The following PPP2R5A variants were observed in gnomAD, a reference collection of about 807,000 sequenced individuals.
The protein encoded by PPP2R5A is protein phosphatase 2 regulatory subunit B'alpha.
A neutral mutation model predicts 64.2 loss-of-function variants in PPP2R5A; 25 were observed. The ratio of observed to expected loss-of-function variants is 0.39; its 90% CI spans 0.28 to 0.54. The LOEUF is 0.54. Ranked by LOEUF, PPP2R5A falls within the 20% of genes least tolerant of loss-of-function variation. The pLI is 0.67. For missense variants in PPP2R5A, 425 were observed against 576.3 expected (o/e 0.74, Z 2.69); for synonymous variants, 198 against 201.2 (o/e 0.98, Z 0.13).
chr1:212,286,904 CAGGATCGT>C (rs1469229449), intron 1 of PPP2R5A, among the ~76,000 whole-genome samples: 1 of 152,190 alleles, frequency 6.6e-6, no homozygotes, highest in Non-Finnish European at 1.5e-5. Context: ...ATCTTATTCA[CAGGATCGT>C]TAGCTTTAAA....
chr1:212,320,706 C>G (rs77295414), intron 1 of PPP2R5A, among the ~76,000 whole-genome samples: 3 of 119,080 alleles, frequency 2.5e-5, no homozygotes, highest in African/African-American at 8.1e-5. Flanking sequence ...ACCTCCCTCC[C>G]GGATGGGGCG....
intron 1 of PPP2R5A, among the ~76,000 whole-genome samples, chr1:212,328,608 A>C (rs1308473511): frequency 6.6e-6 from 1 of 152,168 alleles, no homozygotes; most frequent in Non-Finnish European, 1.5e-5. Context: ...GAACACACCG[A>C]TTCTCATTTT....
intron 1 of PPP2R5A, among the ~76,000 whole-genome samples, chr1:212,328,601 C>A (rs749000518): frequency 6.6e-6 from 1 of 152,082 alleles, no homozygotes; most frequent in Non-Finnish European, 1.5e-5. Context: ...GGAACTTGAA[C>A]ACACCGATTC....
chr1:212,328,986 C>T (rs1659454203), intron 1 of PPP2R5A, 149 bp from the exon 2 acceptor site: 2 of 516,542 alleles, frequency 3.9e-6, no homozygotes, highest in Admixed American at 8.0e-5. Context: ...GTATAAATCC[C>T]TGAATGATGG....
intron 1 of PPP2R5A, among the ~76,000 whole-genome samples, chr1:212,315,842 G>T (rs114417498): frequency 0.014 from 2,172 of 152,084 alleles, 50 homozygotes; most frequent in African/African-American, 0.048. Flanking sequence ...GCATGTGCTC[G>T]CTTTGTGTCT....
intron 1 of PPP2R5A, among the ~76,000 whole-genome samples, chr1:212,321,969 C>A (rs1417765273): frequency 6.6e-6 from 1 of 151,962 alleles, no homozygotes. Context: ...GCGGATCACT[C>A]GCGGTTAGGA....
intron 11 of PPP2R5A, 96 bp from the exon 12 acceptor site, chr1:212,358,590 A>G: frequency 1.2e-6 from 1 of 836,832 alleles, no homozygotes; most frequent in East Asian, 2.7e-5. Context: ...GATTAAATGA[A>G]ATCAGCCAAG....
At chr1:212,349,315 C>T (rs1037206709) in intron 8 of PPP2R5A, 73 bp downstream of exon 8, 17 of 1,137,444 alleles carry the variant, frequency 1.5e-5, no homozygotes, top group Non-Finnish European at 2.1e-5. Context: ...GTTTTATAGC[C>T]TTTATAGTTA....
intron 1 of PPP2R5A, among the ~76,000 whole-genome samples, chr1:212,304,983 T>G (rs993162507): frequency 4.6e-5 from 7 of 150,756 alleles, no homozygotes; most frequent in African/African-American, 1.5e-4. Context: ...CACCCACCCC[T>G]GCGTCCCTGA....
chr1:212,322,963 T>G (rs1465499396), intron 1 of PPP2R5A, among the ~76,000 whole-genome samples: 1 of 152,088 alleles, frequency 6.6e-6, no homozygotes, highest in East Asian at 1.9e-4. Flanking sequence ...TTTTTTTGTG[T>G]TTTTAGTAGA....
intron 1 of PPP2R5A, among the ~76,000 whole-genome samples, chr1:212,312,104 T>C (rs930799095): frequency 3.9e-4 from 59 of 152,336 alleles, no homozygotes; most frequent in African/African-American, 1.3e-3. Flanking sequence ...TTTAAATCTT[T>C]TATACCATAT....
chr1:212,347,535 C>T, intron 6 of PPP2R5A, 129 bp downstream of exon 6: 1 of 649,760 alleles, frequency 1.5e-6, no homozygotes, highest in East Asian at 3.2e-5. Flanking sequence ...AGTTTCTCAA[C>T]TGAAGTCTTT....
rs1571608245 is a variant in PPP2R5A, at chr1:212,347,484, A to G, written c.764+78A>G. 8.4e-6 allele frequency: 9 copies of G among 1,067,610 alleles called. No homozygotes were observed. The East Asian group carries it at 1.9e-4, about 23-fold the overall frequency. The allele number at this position is 1,067,610 out of a possible 1,614,324, so 66.1% of individuals were successfully genotyped here. A position where few individuals can be genotyped will look rare whatever the true frequency, so the allele number is the denominator to read the frequency against. On this transcript the variant is annotated intron_variant, in intron 6 of 12. Coordinates refer to ENST00000261461, the MANE Select transcript of PPP2R5A (RefSeq NM_006243.4). The stretch of plus-strand genomic sequence containing the variant: ...GTATTAAAATCTTAGCTGGGGTTGG[A>G]GAAATTATGTCATATTTTAGAGTTT...
chr1:212,316,587 CT>C (rs751228809), intron 1 of PPP2R5A, among the ~76,000 whole-genome samples: 2,406 of 36,570 alleles, frequency 0.066, 149 homozygotes, highest in African/African-American at 0.18. Flanking sequence ...TTGTGGGTGA[CT>C]TTTTTTTTTT....
At chr1:212,337,340 T>A (rs897245749) in intron 3 of PPP2R5A, among the ~76,000 whole-genome samples, 7 of 152,180 alleles carry the variant, frequency 4.6e-5, no homozygotes, top group Non-Finnish European at 1.0e-4. Context: ...CACTTTCTTT[T>A]ATTAATTACT....
chr1:212,309,052 A>T (rs1427860209), intron 1 of PPP2R5A: 2 of 770,176 alleles, frequency 2.6e-6, no homozygotes, highest in Non-Finnish European at 4.7e-6. Context: ...CTCAGTTTAG[A>T]TGATCTCGAT....
At chr1:212,301,984 A>G in intron 1 of PPP2R5A, 2 of 1,416,516 alleles carry the variant, frequency 1.4e-6, no homozygotes, top group Non-Finnish European at 1.9e-6. Flanking sequence ...CCTTAAATGT[A>G]GAGGATTAAC....
In PPP2R5A at chr1:212,361,031, G is replaced by A; in HGVS notation, c.*261G>A. ...GAAATGAATGAATTTTATCATCTAT[G>A]ATATGAGTGAGATAATTATGGGAGT... is the stretch of plus-strand genomic sequence containing the variant. On this transcript the variant is annotated 3_prime_UTR_variant, in exon 13 of 13. Transcript: ENST00000261461. The A allele has an allele frequency of 3.9e-6, 1 of 258,680 alleles. No homozygotes were observed. The highest frequency in any genetic ancestry group is 6.8e-5 in the East Asian group (1 of 14,736). The allele number at this position is 258,680 out of a possible 1,614,324, so 16.0% of individuals were successfully genotyped here.
At chr1:212,321,748 C>T (rs987806515) in intron 1 of PPP2R5A, among the ~76,000 whole-genome samples, 1 of 151,300 alleles carries the variant, frequency 6.6e-6, no homozygotes, top group African/African-American at 2.4e-5. Context: ...AGACGATGGG[C>T]GGCCAGGCAG....
Sources: gnomAD v4.1 joint callset for allele counts (sites outside exome capture counted in the v4.1 genomes callset) on GRCh38, gnomAD v4.1.1 for gene constraint, MANE v1.5 for transcripts, NCBI Gene and HGNC (gene_info 2026-07-23, HGNC 2026-07-21) for gene names.